Variants in XCR1 observed in about 807,000 individuals in gnomAD.
The protein encoded by XCR1 is chemokine XC receptor 1.
For missense variants in XCR1, 356 were observed against 424.2 expected (o/e 0.84, Z 1.41); for synonymous variants, 187 against 188.5 (o/e 0.99, Z 0.06).
intron 1 of XCR1, among the ~76,000 whole-genome samples, chr3:46,085,505 C>T (rs1698458922): frequency 6.6e-6 from 1 of 152,188 alleles, no homozygotes; most frequent in African/African-American, 2.4e-5. Context: ...TGAGTTTGCA[C>T]TCCATCCTGT....
At chr3:46,067,845 C>T (rs1034534029) in intron 3 of XCR1, among the ~76,000 whole-genome samples, 1 of 152,058 alleles carries the variant, frequency 6.6e-6, no homozygotes, top group African/African-American at 2.4e-5. Flanking sequence ...ACGAGAAACT[C>T]AGGAGGCAGA....
chr3:46,070,341 T>C (rs1698144873), intron 3 of XCR1, among the ~76,000 whole-genome samples: 1 of 152,098 alleles, frequency 6.6e-6, no homozygotes. Context: ...TCTTTGTTAA[T>C]TTTCTGTCTC....
intron 3 of XCR1, among the ~76,000 whole-genome samples, chr3:46,071,873 T>A (rs1211468557): frequency 1.3e-5 from 2 of 152,056 alleles, no homozygotes; most frequent in Non-Finnish European, 2.9e-5. Context: ...GGTGGAAAGT[T>A]GAAAGCATTC....
chr3:46,079,621 C>A lies in XCR1; in HGVS notation c.-514-2695G>T, dbSNP rs190477146. Among the ~76,000 whole-genome samples, 57 of 152,190 alleles carry A rather than the reference C, an allele frequency of 3.7e-4. 1 individual carries two copies. The highest frequency in any genetic ancestry group is 2.1e-3 in the Admixed American group (32 of 15,292). On this transcript the variant is annotated intron_variant, in intron 1 of 5. Coordinates refer to the XCR1 transcript ENST00000683768. ...CTTAGGAAATTCCCTAGAACTTGAA[C>A]CCCCTCCCTGAAACCCCATTTTGGC...
chr3:46,059,124 A>C (rs1204850112), intron 4 of XCR1, among the ~76,000 whole-genome samples: 1 of 152,218 alleles, frequency 6.6e-6, no homozygotes. Context: ...CCTTGAAGGC[A>C]CAAGAAAGTT....
intron 5 of XCR1, among the ~76,000 whole-genome samples, chr3:46,046,164 A>G (rs1261426640): frequency 6.6e-6 from 1 of 152,226 alleles, no homozygotes; most frequent in Non-Finnish European, 1.5e-5. Flanking sequence ...TATAACCTGC[A>G]TGGACCTAGG....
chr3:46,047,117 T>C (rs1331255037), intron 5 of XCR1, among the ~76,000 whole-genome samples: 1 of 152,252 alleles, frequency 6.6e-6, no homozygotes, highest in Non-Finnish European at 1.5e-5. Flanking sequence ...CTTGGTAGGC[T>C]GTGTGCATCC....
rs1379180623 is a variant in XCR1 at position 46,021,726 on chromosome 3, G to A, written c.222C>T (p.Cys74=). ...SLTNIFILNL[C]LSDLVFACLL... The stretch of plus-strand genomic sequence containing the variant: ...AGCAGGCGAACACCAGGTCTGAGAG[G>A]CACAGGTTGAGGATGAAGATGTTGG... The change falls in exon 2 of 2, where the codon TGC becomes TGT. Residue 74 remains cysteine, a synonymous_variant. Coordinates refer to ENST00000309285, the MANE Select transcript of XCR1 (RefSeq NM_001024644.2). The surrounding 1 kb of genome is among the most constrained non-coding windows in gnomAD (Gnocchi z 4.7). The A allele has an allele frequency of 4.3e-6, 7 of 1,613,968 alleles. No homozygotes were observed. The highest frequency in any genetic ancestry group is 5.9e-6 in the Non-Finnish European group (7 of 1,180,030).
chr3:46,054,121 T>C (rs1241047513), intron 4 of XCR1, among the ~76,000 whole-genome samples: 1 of 152,000 alleles, frequency 6.6e-6, no homozygotes, highest in African/African-American at 2.4e-5. Flanking sequence ...CAAAAGAGCA[T>C]ATTTGGAAGA....
intron 1 of XCR1, among the ~76,000 whole-genome samples, chr3:46,084,627 G>A (rs1698438276): frequency 6.6e-6 from 1 of 152,042 alleles, no homozygotes; most frequent in Non-Finnish European, 1.5e-5. Context: ...CTTTCTTTTT[G>A]TCTTTAAAAA....
At chr3:46,074,629 TAAGG>T (rs1698228042) in intron 3 of XCR1, among the ~76,000 whole-genome samples, 1 of 152,060 alleles carries the variant, frequency 6.6e-6, no homozygotes, top group African/African-American at 2.4e-5. Flanking sequence ...AAAAAAATCA[TAAGG>T]AAGAAAAATA....
At chr3:46,034,783 G>A (rs1005867731) in intron 5 of XCR1, among the ~76,000 whole-genome samples, 2 of 152,174 alleles carry the variant, frequency 1.3e-5, no homozygotes, top group African/African-American at 4.8e-5. Context: ...AAAGCTTCTG[G>A]TTTTAAAGCT....
intron 3 of XCR1, among the ~76,000 whole-genome samples, chr3:46,072,026 T>C (rs183350238): frequency 4.5e-4 from 68 of 152,334 alleles, no homozygotes; most frequent in Middle Eastern, 6.8e-3. Context: ...AAATTATTTC[T>C]GCTTGCTGAG....
chr3:46,075,330 A>C (rs1358199852), intron 2 of XCR1, among the ~76,000 whole-genome samples: 3 of 131,856 alleles, frequency 2.3e-5, no homozygotes, highest in Admixed American at 7.7e-5. Flanking sequence ...AAAAAAAAAA[A>C]CAACAAAAAT....
chr3:46,020,023 G>A lies in XCR1; in HGVS notation c.*923C>T, dbSNP rs1453921739. 6.6e-6 allele frequency: 1 copy of A among 152,244 alleles called. No individual in the cohort carries two copies. Among genetic ancestry groups the A allele is most frequent in the Non-Finnish European group, 1.5e-5 (1 of 68,094 alleles). 9.4% of individuals were successfully genotyped at this position (152,244 alleles called of 1,614,324 possible). A position where few individuals can be genotyped will look rare whatever the true frequency, so the allele number is the denominator to read the frequency against. On this transcript the variant is annotated 3_prime_UTR_variant, in exon 2 of 2. Transcript: ENST00000309285. ...TTGAGGTTTGGAGTGTGGGTGGGTG[G>A]GGGGAGCTACCACCATCAACCAAAT...
chr3:46,040,362 A>G (rs1262934299), intron 5 of XCR1, among the ~76,000 whole-genome samples: 1 of 152,182 alleles, frequency 6.6e-6, no homozygotes, highest in Non-Finnish European at 1.5e-5. Flanking sequence ...CAAGTTCCAA[A>G]TTCAGTCTTT....
rs13097556 is a variant in XCR1, at chr3:46,020,505, T to C, written c.*441A>G. 31,503 of 163,092 alleles carry C rather than the reference T, an allele frequency of 0.19. 4,530 individuals are homozygous for C. The highest frequency in any genetic ancestry group is 0.4 in the African/African-American group (16,580 of 41,554). 10.1% of individuals were successfully genotyped at this position (163,092 alleles called of 1,614,324 possible). ...CGGAGCCAGGCGCCTCCAAAGTGAATAAACCAGTAGGGACAACCTTACAGT... is the reference window on the plus strand; with the variant it reads ...CGGAGCCAGGCGCCTCCAAAGTGAACAAACCAGTAGGGACAACCTTACAGT... On this transcript the variant is annotated 3_prime_UTR_variant, in exon 2 of 2. Transcript: ENST00000309285.
chr3:46,039,138 A>G (rs1697489826), intron 5 of XCR1, among the ~76,000 whole-genome samples: 1 of 151,458 alleles, frequency 6.6e-6, no homozygotes. Flanking sequence ...TCAGTACTGT[A>G]TCTAGAAACC....
intron 5 of XCR1, among the ~76,000 whole-genome samples, chr3:46,033,912 T>C (rs1697365809): frequency 6.6e-6 from 1 of 152,156 alleles, no homozygotes; most frequent in Non-Finnish European, 1.5e-5. Context: ...CATTTAAAAT[T>C]TTTTGGTGCT....
Sources: gnomAD v4.1 joint callset for allele counts (sites outside exome capture counted in the v4.1 genomes callset) on GRCh38, gnomAD v4.1.1 for gene constraint, Gnocchi (gnomAD v3.1) non-coding constraint, MANE v1.5 for transcripts, NCBI Gene and HGNC (gene_info 2026-07-23, HGNC 2026-07-21) for gene names.